MCUB: variants seen among roughly 807,000 people sequenced by gnomAD.
MCUB encodes the protein calcium uniporter regulatory subunit MCUb, mitochondrial.
A neutral mutation model predicts 41.4 loss-of-function variants in MCUB; 46 were observed. The ratio of observed to expected loss-of-function variants is 1.11; its 90% CI spans 0.88 to 1.42. MCUB has a LOEUF of 1.42. MCUB is among the 40% of genes most tolerant of loss of function. The pLI is 0.00. For missense variants in MCUB, 403 were observed against 404.9 expected, an observed-to-expected ratio of 1.00 and a Z score of 0.04; for synonymous variants, 148 against 148.2, an observed-to-expected ratio of 1.00 and a Z score of 0.01.
chr4:109,633,115 T>A (rs1319365753), intron 1 of MCUB, among the ~76,000 whole-genome samples: 1 of 152,044 alleles, frequency 6.6e-6, no homozygotes, highest in Non-Finnish European at 1.5e-5. Context: ...TAGGAAGGGA[T>A]CCAAAATGAA....
At chr4:109,668,646 T>C (rs1332787929) in intron 4 of MCUB, among the ~76,000 whole-genome samples, 1 of 152,052 alleles carries the variant, frequency 6.6e-6, no homozygotes, top group African/African-American at 2.4e-5. Context: ...AATTGATTAC[T>C]GATATACATA....
In MCUB at chr4:109,660,374, G is replaced by A; in HGVS notation, c.346+9G>A. 1 of 1,530,808 alleles carries A rather than the reference G, an allele frequency of 6.5e-7. No homozygotes were observed. The highest frequency in any genetic ancestry group is 1.2e-5 in the South Asian group (1 of 83,558). The allele number at this position is 1,530,808 out of a possible 1,614,324, so 94.8% of individuals were successfully genotyped here. A position where few individuals can be genotyped will look rare whatever the true frequency, so the allele number is the denominator to read the frequency against. ...AGCCATCTTCACAGCAGGTATATAT[G>A]TATATAATTTTACAACTTTGTCCCA... On this transcript the variant is annotated intron_variant, in intron 3 of 7. Coordinates refer to ENST00000394650, the MANE Select transcript of MCUB (RefSeq NM_017918.5).
chr4:109,607,374 C>T lies in MCUB; in HGVS notation c.99+46938C>T, dbSNP rs142452225. ...CTGGGATTACAGGTGCTTGCCACCA[C>T]GCCCGGCTAATTTTTGTATTTTAAG... On this transcript the variant is annotated intron_variant, in intron 1 of 7. Coordinates refer to ENST00000394650, the MANE Select transcript of MCUB (RefSeq NM_017918.5). Among the ~76,000 whole-genome samples, 903 of 152,212 alleles carry T rather than the reference C, an allele frequency of 5.9e-3. 30 individuals are homozygous for T. In the South Asian group the frequency reaches 0.073, roughly 12 times the overall value.
In MCUB at chr4:109,685,238, C is replaced by CTTTT; in HGVS notation, c.817-7_817-4dup. The CTTTT allele has an allele frequency of 3.3e-6, 3 of 896,656 alleles. No homozygotes were observed. Among genetic ancestry groups the CTTTT allele is most frequent in the Admixed American group, 2.0e-5 (1 of 49,574 alleles). The allele number at this position is 896,656 out of a possible 1,614,324, so 55.5% of individuals were successfully genotyped here. On this transcript the variant is annotated splice_polypyrimidine_tract_variant and intron_variant, in intron 6 of 7. Coordinates refer to ENST00000394650, the MANE Select transcript of MCUB (RefSeq NM_017918.5). ...AAACATGTTGTTTTCTTCTCTCTCT[C>CTTTT]TTTTTTTTTAAGGATTATACTTACT...
intron 1 of MCUB, among the ~76,000 whole-genome samples, chr4:109,646,632 A>G (rs144705503): frequency 1.9e-3 from 297 of 152,328 alleles, no homozygotes; most frequent in African/African-American, 7.0e-3. Flanking sequence ...CTTGTGGACA[A>G]TGAGATGCTA....
intron 1 of MCUB, among the ~76,000 whole-genome samples, chr4:109,638,428 AAC>A (rs1268993971): frequency 1.4e-5 from 2 of 144,056 alleles, no homozygotes; most frequent in African/African-American, 5.2e-5. Context: ...AAAAAAAAAA[AAC>A]CATACATTAA....
chr4:109,630,927 G>C (rs1446016330), intron 1 of MCUB, among the ~76,000 whole-genome samples: 2 of 152,136 alleles, frequency 1.3e-5, no homozygotes, highest in Non-Finnish European at 2.9e-5. Context: ...TGCCGTTCCT[G>C]GACTTCCTAT....
intron 1 of MCUB, 147 bp downstream of exon 1, chr4:109,560,583 C>A (rs1393905517): frequency 2.4e-5 from 10 of 423,816 alleles, no homozygotes; most frequent in Non-Finnish European, 4.0e-6. Flanking sequence ...GCGGTCCCGA[C>A]AGGTGGTGGC....
intron 1 of MCUB, among the ~76,000 whole-genome samples, chr4:109,633,307 G>A (rs756910323): frequency 1.3e-4 from 19 of 151,582 alleles, no homozygotes; most frequent in Admixed American, 4.6e-4. Context: ...TCGGTCTGTC[G>A]CCCGGGCTGG....
intron 7 of MCUB, among the ~76,000 whole-genome samples, chr4:109,686,645 G>A (rs1419575048): frequency 6.6e-6 from 1 of 152,202 alleles, no homozygotes; most frequent in Non-Finnish European, 1.5e-5. Context: ...GGAGGCTGAG[G>A]TGGGAGGATC....
chr4:109,575,344 T>TGA, intron 1 of MCUB, among the ~76,000 whole-genome samples: 1 of 152,242 alleles, frequency 6.6e-6, no homozygotes, highest in Non-Finnish European at 1.5e-5. Context: ...TGATATGATA[T>TGA]TATTAATCTT....
chr4:109,647,654 G>A (rs1450937942), intron 1 of MCUB, among the ~76,000 whole-genome samples: 1 of 152,126 alleles, frequency 6.6e-6, no homozygotes. Context: ...ACATCCATGT[G>A]CAGTTTATTT....
chr4:109,563,258 A>G (rs1031832945), intron 1 of MCUB, among the ~76,000 whole-genome samples: 9 of 152,196 alleles, frequency 5.9e-5, no homozygotes, highest in South Asian at 4.1e-4. Flanking sequence ...GAGTCCATAC[A>G]TAAGCTATGT....
chr4:109,605,352 G>T (rs1478735018), intron 1 of MCUB, among the ~76,000 whole-genome samples: 1 of 152,050 alleles, frequency 6.6e-6, no homozygotes, highest in Admixed American at 6.6e-5. Context: ...AATTCCCCTT[G>T]CTATTGATTT....
chr4:109,604,630 AGT>A (rs1371642965), intron 1 of MCUB, among the ~76,000 whole-genome samples: 8 of 152,198 alleles, frequency 5.3e-5, no homozygotes, highest in African/African-American at 1.9e-4. Flanking sequence ...TTCGTCATTC[AGT>A]ATGATACTAA....
At chr4:109,666,362 G>T (rs1729346030) in intron 4 of MCUB, among the ~76,000 whole-genome samples, 1 of 152,186 alleles carries the variant, frequency 6.6e-6, no homozygotes, top group African/African-American at 2.4e-5. Context: ...TTAGTTTTGT[G>T]TAAAACTGTC....
chr4:109,595,658 CATAG>C (rs1727538374), intron 1 of MCUB, among the ~76,000 whole-genome samples: 1 of 152,294 alleles, frequency 6.6e-6, no homozygotes, highest in Admixed American at 6.5e-5. Flanking sequence ...TATTGGACAG[CATAG>C]AGAGAGATTT....
chr4:109,618,375 G>A (rs1336737198), intron 1 of MCUB, among the ~76,000 whole-genome samples: 4 of 152,134 alleles, frequency 2.6e-5, no homozygotes, highest in African/African-American at 9.7e-5. Flanking sequence ...GTCCCCTGTT[G>A]TCTCTAGCAG....
At chr4:109,619,955 C>A (rs6810496) in intron 1 of MCUB, among the ~76,000 whole-genome samples, 75,831 of 151,352 alleles carry the variant, frequency 0.5, 19,709 homozygotes, top group South Asian at 0.64. Context: ...ACCTACGTCA[C>A]ATAGCTATTG....
Sources: gnomAD v4.1 joint callset for allele counts (sites outside exome capture counted in the v4.1 genomes callset) on GRCh38, gnomAD v4.1.1 for gene constraint, MANE v1.5 for transcripts, NCBI Gene and HGNC (gene_info 2026-07-23, HGNC 2026-07-21) for gene names.